The following CRIM1 variants were observed in gnomAD, a reference collection of about 807,000 sequenced individuals.
CRIM1 encodes the protein cysteine rich transmembrane BMP regulator 1, also known as cysteine-rich motor neuron 1 protein.
A neutral mutation model predicts 116.4 loss-of-function variants in CRIM1; 32 were observed. The ratio of observed to expected loss-of-function variants is 0.27; its 90% CI spans 0.21 to 0.37. CRIM1 has a LOEUF of 0.37. CRIM1 is among the 10% of genes least tolerant of loss of function. The pLI is 1.00. For synonymous variants in CRIM1, 590 were observed against 509.2 expected (o/e 1.16, Z -2.13); for missense variants, 1,331 against 1,354.8 (o/e 0.98, Z 0.28).
chr2:36,512,254 C>G lies in CRIM1; in HGVS notation c.1659-19C>G. The G allele has an allele frequency of 6.2e-7, 1 of 1,608,102 alleles. No homozygotes were observed. The highest frequency in any genetic ancestry group is 8.5e-7 in the Non-Finnish European group (1 of 1,174,990). On this transcript the variant is annotated intron_variant, in intron 9 of 16. Coordinates refer to ENST00000280527, the MANE Select transcript of CRIM1 (RefSeq NM_016441.3). ...GACTTTGTGATTTTCTGACCTCTGA[C>G]AAAATTTTAATTACCCAGGAAGAAT... is the stretch of plus-strand genomic sequence containing the variant.
chr2:36,512,248 C>A (rs1043484727), intron 9 of CRIM1, 25 bp from the exon 10 acceptor site: 1 of 1,606,088 alleles, frequency 6.2e-7, no homozygotes, highest in Non-Finnish European at 8.5e-7. Flanking sequence ...ATTTTCTGAC[C>A]TCTGACAAAA....
chr2:36,534,301 AAGG>A (rs1379793376), intron 13 of CRIM1, among the ~76,000 whole-genome samples: 4 of 120,696 alleles, frequency 3.3e-5, no homozygotes, highest in Non-Finnish European at 6.9e-5. Flanking sequence ...ATGAGAAAGG[AAGG>A]AGGGAGGGGG....
intron 15 of CRIM1, among the ~76,000 whole-genome samples, chr2:36,545,314 T>C (rs1667244128): frequency 6.6e-6 from 1 of 152,200 alleles, no homozygotes; most frequent in Admixed American, 6.5e-5. Context: ...GGACCTAGTG[T>C]TTTTGGCTCT....
chr2:36,380,398 T>C (rs1670655104), intron 1 of CRIM1, among the ~76,000 whole-genome samples: 1 of 152,164 alleles, frequency 6.6e-6, no homozygotes, highest in Admixed American at 6.5e-5. Flanking sequence ...GGGCCACAGT[T>C]GTCCAGTCCC....
At chr2:36,522,397 A>T in intron 13 of CRIM1, 84 bp downstream of exon 13, 1 of 1,131,754 alleles carries the variant, frequency 8.8e-7, no homozygotes, top group African/African-American at 1.5e-5. Context: ...ATCAATTAAT[A>T]TTTTTGAAAC....
chr2:36,355,798 G>A lies in CRIM1; in HGVS notation c.-495G>A, dbSNP rs1230851750. On this transcript the variant is annotated 5_prime_UTR_variant, in exon 1 of 17. Transcript: ENST00000280527. ...GGCGCAGGAGTGAGGCGAGCGGGGC[G>A]CGCGGAGCGGACGCCGCGGATCTTG... 1 of 151,826 alleles carries A rather than the reference G, an allele frequency of 6.6e-6. No individual in the cohort carries two copies. Among genetic ancestry groups the A allele is most frequent in the African/African-American group, 2.4e-5 (1 of 41,376 alleles). 9.4% of individuals were successfully genotyped at this position (151,826 alleles called of 1,614,324 possible). A position where few individuals can be genotyped will look rare whatever the true frequency, so the allele number is the denominator to read the frequency against.
chr2:36,545,299 T>C (rs1667242357), intron 15 of CRIM1, among the ~76,000 whole-genome samples: 1 of 152,196 alleles, frequency 6.6e-6, no homozygotes. Flanking sequence ...GAAAGTCAAA[T>C]TCCTGGACCT....
chr2:36,528,639 G>A (rs1465718019), intron 13 of CRIM1, among the ~76,000 whole-genome samples: 1 of 152,148 alleles, frequency 6.6e-6, no homozygotes, highest in Non-Finnish European at 1.5e-5. Context: ...CTTCAGTGCT[G>A]TCAGTTACTG....
chr2:36,468,910 G>T (rs925326985), intron 5 of CRIM1, among the ~76,000 whole-genome samples: 8 of 152,220 alleles, frequency 5.3e-5, no homozygotes, highest in African/African-American at 1.7e-4. Context: ...GAATATCTTG[G>T]TTGGAAAGTC....
intron 2 of CRIM1, among the ~76,000 whole-genome samples, chr2:36,411,744 T>C (rs1673226352): frequency 6.6e-6 from 1 of 152,066 alleles, no homozygotes; most frequent in Admixed American, 6.6e-5. Context: ...CATTCTCTGG[T>C]TAAGTGTTTC....
intron 3 of CRIM1, 71 bp downstream of exon 3, chr2:36,441,571 C>A (rs1675829016): frequency 6.4e-7 from 1 of 1,558,668 alleles, no homozygotes; most frequent in Admixed American, 1.7e-5. Context: ...CCTCAGCCAC[C>A]CCTGGCCTCT....
intron 2 of CRIM1, among the ~76,000 whole-genome samples, chr2:36,411,320 T>C (rs915682683): frequency 2.0e-5 from 3 of 152,234 alleles, no homozygotes; most frequent in African/African-American, 7.2e-5. Context: ...CCTGGCTTCA[T>C]GTCTGTCTAG....
intron 2 of CRIM1, among the ~76,000 whole-genome samples, chr2:36,411,335 A>G (rs918951437): frequency 6.6e-6 from 1 of 152,208 alleles, no homozygotes; most frequent in Non-Finnish European, 1.5e-5. Context: ...GTCTAGGTAC[A>G]GGTCTTATTA....
In CRIM1 at chr2:36,358,468, CTGTTTCTGG is replaced by C. The variant is rs551236704; in HGVS notation, c.331+1848_331+1856del. On this transcript the variant is annotated intron_variant, in intron 1 of 16. Transcript: ENST00000280527. ...AACCCTTGTTTTGTTTCTTCTTAGT[CTGTTTCTGG>C]TGAAGGAAGTGCTCAGGGAACATTT... 1.4e-4 allele frequency among the ~76,000 whole-genome samples: 22 copies of C among 152,322 alleles called. No homozygotes were observed. The South Asian group carries it at 4.1e-3, about 29-fold the overall frequency.
chr2:36,435,194 C>A (rs894510104), intron 2 of CRIM1, among the ~76,000 whole-genome samples: 3 of 152,076 alleles, frequency 2.0e-5, no homozygotes, highest in Non-Finnish European at 2.9e-5. Context: ...AAACAGTGAC[C>A]CCAGACTCTT....
At chr2:36,508,714 T>C (rs1483250171) in intron 8 of CRIM1, among the ~76,000 whole-genome samples, 1 of 152,208 alleles carries the variant, frequency 6.6e-6, no homozygotes, top group East Asian at 1.9e-4. Context: ...TTTTTTTCTT[T>C]TTAACCTTAA....
chr2:36,446,310 T>C (rs1188641232), intron 4 of CRIM1, among the ~76,000 whole-genome samples: 1 of 152,178 alleles, frequency 6.6e-6, no homozygotes, highest in Non-Finnish European at 1.5e-5. Context: ...GATTTGTTAG[T>C]TTTCTCTGGA....
intron 2 of CRIM1, among the ~76,000 whole-genome samples, chr2:36,420,881 A>C (rs1674004254): frequency 6.6e-6 from 1 of 151,982 alleles, no homozygotes; most frequent in Admixed American, 6.6e-5. Context: ...CAGAATTTGG[A>C]CTTCATTTTT....
At chr2:36,544,001 C>A (rs1349020164) in intron 14 of CRIM1, among the ~76,000 whole-genome samples, 1 of 152,094 alleles carries the variant, frequency 6.6e-6, no homozygotes, top group African/African-American at 2.4e-5. Context: ...TTATTCAATA[C>A]CCCCATATTA....
Sources: allele counts gnomAD v4.1 joint callset (sites outside exome capture counted in the v4.1 genomes callset), GRCh38; gene constraint gnomAD v4.1.1; transcripts MANE v1.5; gene names NCBI Gene and HGNC (gene_info 2026-07-23, HGNC 2026-07-21).